Variants in EIF3H observed in about 807,000 individuals in gnomAD.
The protein encoded by EIF3H is eIF-3-gamma.
EIF3H carries 26 observed loss-of-function variants against 44.2 expected under a neutral mutation model. That is an observed-to-expected ratio of 0.59 (90% CI 0.43 to 0.82). The LOEUF (loss-of-function observed/expected upper bound fraction) is 0.82. Among genes scored for constraint, EIF3H ranks in the 40% least tolerant of loss-of-function variants. EIF3H has a pLI of 0.00. For synonymous variants in EIF3H, 166 were observed against 151.9 expected (o/e 1.09, Z -0.68); for missense variants, 359 against 432.8 (o/e 0.83, Z 1.51).
intron 2 of EIF3H, among the ~76,000 whole-genome samples, chr8:116,713,971 A>C (rs1299661784): frequency 6.6e-6 from 1 of 152,094 alleles, no homozygotes; most frequent in East Asian, 1.9e-4. Flanking sequence ...ACCAACTGCA[A>C]TATGGGCCCC....
intron 2 of EIF3H, among the ~76,000 whole-genome samples, chr8:116,685,516 T>TC (rs1307225697): frequency 6.6e-6 from 1 of 152,156 alleles, no homozygotes; most frequent in Non-Finnish European, 1.5e-5. Context: ...TTACATCCCT[T>TC]CCCCAAATAT....
rs544833585 is a variant in EIF3H at position 116,743,944 on chromosome 8, TAGTC to T, written c.132+11718_132+11721del. Among the ~76,000 whole-genome samples, 229 of 151,900 alleles carry T rather than the reference TAGTC, an allele frequency of 1.5e-3. 1 individual carries two copies. Among genetic ancestry groups the T allele is most frequent in the Middle Eastern group, 6.8e-3 (2 of 294 alleles). On this transcript the variant is annotated intron_variant, in intron 1 of 7. Transcript: ENST00000521861. ...ACAGCTGTCCATTGAGAAGATAACT[TAGTC>T]AGCAGCACTGTCCAAGTACAAAATA... is the stretch of plus-strand genomic sequence containing the variant.
chr8:116,712,388 T>C (rs548247828), intron 2 of EIF3H, among the ~76,000 whole-genome samples: 2 of 152,278 alleles, frequency 1.3e-5, no homozygotes, highest in South Asian at 4.1e-4. Context: ...AAAGACAATG[T>C]CTGTAGGTTA....
At chr8:116,750,898 T>G (rs1004748785) in intron 1 of EIF3H, among the ~76,000 whole-genome samples, 6 of 152,088 alleles carry the variant, frequency 3.9e-5, no homozygotes, top group Non-Finnish European at 7.4e-5. Flanking sequence ...ATCTGAATGT[T>G]CACGTTAAAT....
intron 7 of EIF3H, 29 bp from the exon 8 acceptor site, chr8:116,645,132 TA>T: frequency 1.3e-6 from 2 of 1,538,906 alleles, no homozygotes; most frequent in South Asian, 1.1e-5. Context: ...GATAGAGCCA[TA>T]ATGTTCCACA....
intron 7 of EIF3H, among the ~76,000 whole-genome samples, chr8:116,645,558 G>A (rs1007194103): frequency 3.3e-5 from 5 of 152,198 alleles, no homozygotes; most frequent in Non-Finnish European, 7.3e-5. Flanking sequence ...TTTCTCCTAC[G>A]AGCCAGACAG....
At chr8:116,670,386 C>T (rs181559373) in intron 2 of EIF3H, among the ~76,000 whole-genome samples, 348 of 152,288 alleles carry the variant, frequency 2.3e-3, no homozygotes, top group Non-Finnish European at 4.0e-3. Context: ...CAAAGATACA[C>T]TATCAGGACA....
At chr8:116,728,151 GA>G (rs1814884289) in intron 1 of EIF3H, among the ~76,000 whole-genome samples, 1 of 151,922 alleles carries the variant, frequency 6.6e-6, no homozygotes. Flanking sequence ...AATTATGAAA[GA>G]AAAAAAGAAA....
At chr8:116,750,403 C>CTT (rs771136977) in intron 1 of EIF3H, among the ~76,000 whole-genome samples, 159 of 129,670 alleles carry the variant, frequency 1.2e-3, no homozygotes, top group African/African-American at 2.5e-3. Context: ...TTTAGCATGA[C>CTT]TTTTTTTTTT....
chr8:116,726,530 T>C (rs1025224745), intron 1 of EIF3H, among the ~76,000 whole-genome samples: 21 of 152,168 alleles, frequency 1.4e-4, no homozygotes, highest in South Asian at 4.1e-4. Flanking sequence ...ATCCTGTTAA[T>C]AGACACATAA....
intron 3 of EIF3H, chr8:116,658,440 T>TA (rs1178547888): frequency 3.1e-5 from 5 of 162,030 alleles, no homozygotes; most frequent in South Asian, 1.9e-4. Context: ...GTCAGAGGTA[T>TA]AAAAAAAACT....
intron 1 of EIF3H, among the ~76,000 whole-genome samples, chr8:116,742,810 G>GT (rs2130963455): frequency 6.6e-6 from 1 of 152,256 alleles, no homozygotes; most frequent in South Asian, 2.1e-4. Context: ...GACAGTGAGA[G>GT]TTTCTCTTCA....
intron 1 of EIF3H, among the ~76,000 whole-genome samples, chr8:116,731,402 C>G (rs543368612): frequency 6.6e-6 from 1 of 152,202 alleles, no homozygotes; most frequent in African/African-American, 2.4e-5. Flanking sequence ...CTCTAACATC[C>G]TATTTAGTTC....
intron 1 of EIF3H, among the ~76,000 whole-genome samples, chr8:116,743,786 ATATATATATATAAACAC>A (rs1815173305): frequency 1.1e-5 from 1 of 91,348 alleles, no homozygotes; most frequent in Non-Finnish European, 2.1e-5. Flanking sequence ...ATATATATAT[ATATATATATATAAACAC>A]ACACACACAC....
rs752478703 is a variant in EIF3H, at chr8:116,657,249, C to T, written c.523G>A (p.Glu175Lys). Residue 175 changes from glutamate (E) to lysine (K), a missense_variant, in exon 4 of 8, where the codon GAA (glutamate) becomes AAA (lysine). Physicochemically the swap from Glu to Lys is moderately conservative, Grantham distance 56. This residue lies in a region of EIF3H where 85 missense variants were observed against 79.2 expected (regional missense o/e 1.07). Transcript: ENST00000521861. ...KAYRLTPKLM[E>K]VCKEKDFSPE... ...GAAAAATCCTTTTCTTTACAAACTTCCATCAGTTTAGGAGTCAGTCTGTAT... is the reference window on the plus strand; with the variant it reads ...GAAAAATCCTTTTCTTTACAAACTTTCATCAGTTTAGGAGTCAGTCTGTAT... 1 of 1,613,734 alleles carries T rather than the reference C, an allele frequency of 6.2e-7. No homozygotes were observed.
intron 1 of EIF3H, among the ~76,000 whole-genome samples, chr8:116,728,664 G>C (rs1185502858): frequency 3.3e-5 from 5 of 152,064 alleles, no homozygotes; most frequent in Non-Finnish European, 5.9e-5. Context: ...ACTACGAAAT[G>C]AAAGTGCACA....
chr8:116,737,210 G>C (rs1815056836), intron 1 of EIF3H: 1 of 433,948 alleles, frequency 2.3e-6, no homozygotes, highest in Non-Finnish European at 4.5e-6. Flanking sequence ...CTGAAGGACA[G>C]GTAGGCATTT....
At chr8:116,665,155 G>A (rs138415935) in intron 2 of EIF3H, among the ~76,000 whole-genome samples, 2,234 of 152,236 alleles carry the variant, frequency 0.015, 25 homozygotes, top group South Asian at 0.052. Context: ...AATTATTTCT[G>A]AATCATTGAA....
At chr8:116,670,598 C>A (rs1282998519) in intron 2 of EIF3H, among the ~76,000 whole-genome samples, 3 of 152,192 alleles carry the variant, frequency 2.0e-5, no homozygotes, top group African/African-American at 4.8e-5. Context: ...GCTGTGCATG[C>A]CCTTACCCGC....
Sources: allele counts gnomAD v4.1 joint callset (sites outside exome capture counted in the v4.1 genomes callset), GRCh38; gene constraint gnomAD v4.1.1; regional missense constraint gnomAD v4.1.1; transcripts MANE v1.5; gene names NCBI Gene and HGNC (gene_info 2026-07-23, HGNC 2026-07-21).